NYAP2: variants seen among roughly 807,000 people sequenced by gnomAD.
NYAP2 encodes the protein neuronal tyrosine-phosphorylated phosphoinositide-3-kinase adapter 2.
NYAP2 carries 23 observed loss-of-function variants against 50.4 expected under a neutral mutation model. The ratio of observed to expected loss-of-function variants is 0.46; its 90% CI spans 0.33 to 0.65. NYAP2 has a LOEUF of 0.65. Ranked by LOEUF, NYAP2 falls within the 30% of genes least tolerant of loss-of-function variation. The pLI is 0.02. For missense variants in NYAP2, 885 were observed against 861.0 expected (o/e 1.03, Z -0.35); for synonymous variants, 394 against 365.2 (o/e 1.08, Z -0.90).
the NYAP2 span, among the ~76,000 whole-genome samples, chr2:225,682,425 C>T: frequency 2.6e-5 from 4 of 152,112 alleles, no homozygotes; most frequent in Non-Finnish European, 4.4e-5. Flanking sequence ...TTGGCCACTT[C>T]AACTCCAATT....
At chr2:225,614,375 T>C (rs565945382) in intron 5 of NYAP2, among the ~76,000 whole-genome samples, 1 of 152,174 alleles carries the variant, frequency 6.6e-6, no homozygotes, top group Non-Finnish European at 1.5e-5. Flanking sequence ...TATTTGAAAA[T>C]TTTGGTTGGC....
chr2:225,527,013 G>C (rs1213439834), intron 4 of NYAP2, among the ~76,000 whole-genome samples: 1 of 152,034 alleles, frequency 6.6e-6, no homozygotes, highest in African/African-American at 2.4e-5. Context: ...GTACCCTGAG[G>C]CTCATGAATG....
At chr2:225,514,572 C>G in intron 4 of NYAP2, among the ~76,000 whole-genome samples, 1 of 152,128 alleles carries the variant, frequency 6.6e-6, no homozygotes, top group East Asian at 1.9e-4. Flanking sequence ...CTGGCCTCTT[C>G]GTAGGAGGAT....
intron 3 of NYAP2, among the ~76,000 whole-genome samples, chr2:225,465,047 T>C (rs1281399771): frequency 6.6e-6 from 1 of 152,188 alleles, no homozygotes; most frequent in Non-Finnish European, 1.5e-5. Context: ...CTTAGGAATC[T>C]AATACTAGAA....
At chr2:225,506,146 A>AT (rs985865845) in intron 3 of NYAP2, among the ~76,000 whole-genome samples, 14 of 152,172 alleles carry the variant, frequency 9.2e-5, no homozygotes, top group East Asian at 1.9e-4. Context: ...TATGTCCACA[A>AT]TTTTTTTTAA....
chr2:225,699,342 A>G, the NYAP2 span: 1 of 151,942 alleles, frequency 6.6e-6, no homozygotes, highest in African/African-American at 2.4e-5. Flanking sequence ...GTGTCCTTGC[A>G]TCATTGATCT....
At chr2:225,670,711 G>A in the NYAP2 span, among the ~76,000 whole-genome samples, 4 of 151,816 alleles carry the variant, frequency 2.6e-5, no homozygotes, top group African/African-American at 9.7e-5. Context: ...GGAATGACAG[G>A]GATCTGTATT....
chr2:225,433,661 A>T (rs912937909), intron 3 of NYAP2, among the ~76,000 whole-genome samples: 1 of 151,788 alleles, frequency 6.6e-6, no homozygotes, highest in African/African-American at 2.4e-5. Flanking sequence ...TAAATGATTT[A>T]AAAAAATTAG....
downstream of NYAP2, among the ~76,000 whole-genome samples, chr2:225,655,676 A>T (rs1251035670): frequency 6.6e-6 from 1 of 152,026 alleles, no homozygotes; most frequent in Non-Finnish European, 1.5e-5. Flanking sequence ...CAGTGACCCC[A>T]TTGGAAACAG....
intron 4 of NYAP2, among the ~76,000 whole-genome samples, chr2:225,516,975 G>A (rs1052360477): frequency 1.3e-5 from 2 of 151,978 alleles, no homozygotes; most frequent in African/African-American, 4.8e-5. Context: ...ATTTAAGTAA[G>A]GGATTATGAC....
intron 3 of NYAP2, among the ~76,000 whole-genome samples, chr2:225,483,582 G>A (rs191209613): frequency 2.0e-5 from 3 of 151,480 alleles, no homozygotes; most frequent in Admixed American, 6.6e-5. Flanking sequence ...AGACGTGTGT[G>A]CACACACACA....
chr2:225,560,192 A>C (rs1691847913), intron 4 of NYAP2, among the ~76,000 whole-genome samples: 1 of 152,124 alleles, frequency 6.6e-6, no homozygotes, highest in South Asian at 2.1e-4. Flanking sequence ...TTACTTTACA[A>C]AAATATAATT....
intron 4 of NYAP2, among the ~76,000 whole-genome samples, chr2:225,551,217 A>C (rs940990790): frequency 6.6e-6 from 1 of 152,204 alleles, no homozygotes; most frequent in African/African-American, 2.4e-5. Context: ...AGTCTCTTCC[A>C]CGTCCACTCT....
intron 5 of NYAP2, among the ~76,000 whole-genome samples, chr2:225,583,913 G>A (rs1574693225): frequency 6.6e-6 from 1 of 152,116 alleles, no homozygotes; most frequent in Non-Finnish European, 1.5e-5. Flanking sequence ...GTGGTGGCGG[G>A]CACCTTTAGT....
Position 225,582,080 on chromosome 2 carries a change from G to A in NYAP2, c.663G>A (p.Ser221=). 1.2e-6 allele frequency: 2 copies of A among 1,614,018 alleles called. No homozygotes were observed. Among genetic ancestry groups the A allele is most frequent in the East Asian group, 2.2e-5 (1 of 44,872 alleles). Residue 221 remains serine, a synonymous_variant, in exon 5 of 7, where the codon TCG becomes TCA. Coordinates refer to ENST00000636099, the Ensembl canonical transcript of NYAP2. This position sits in a 1 kb window ranked among gnomAD's most constrained non-coding sequence, Gnocchi z 7.0. ...AAAAGCATGGGCCCCGGAGGACGTC[G>A]CTGCCGCGGGACTCCTCCTTGTCCC...
intron 6 of NYAP2, among the ~76,000 whole-genome samples, chr2:225,633,484 A>G (rs1204644101): frequency 6.6e-6 from 1 of 152,232 alleles, no homozygotes; most frequent in Non-Finnish European, 1.5e-5. Context: ...TATTTTGCTT[A>G]TACATGAAAC....
intron 4 of NYAP2, among the ~76,000 whole-genome samples, chr2:225,562,586 G>A (rs1247335608): frequency 1.3e-5 from 2 of 152,044 alleles, no homozygotes; most frequent in Non-Finnish European, 2.9e-5. Flanking sequence ...TTCCCTGCCT[G>A]GGTTTTTGTG....
In NYAP2 at chr2:225,534,670, C is replaced by G. The variant is rs1474702071; in HGVS notation, c.523+20998C>G. On this transcript the variant is annotated intron_variant, in intron 4 of 6. Transcript: ENST00000636099. The stretch of plus-strand genomic sequence containing the variant: ...ATTTGAGCTAAAATATTGTATCAGT[C>G]TAGGCCCGACAGGAGAGAGAAACCT... Among the ~76,000 whole-genome samples the G allele has an allele frequency of 2.6e-5, 4 of 152,174 alleles. 1 individual carries two copies. The highest frequency in any genetic ancestry group is 9.7e-5 in the African/African-American group (4 of 41,432).
At chr2:225,400,391 ATG>A (rs1491428429) in intron 1 of NYAP2, 136 bp downstream of exon 1, 1 of 150,838 alleles carries the variant, frequency 6.6e-6, no homozygotes, top group Non-Finnish European at 1.5e-5. Flanking sequence ...GGGAGAGAGA[ATG>A]AGAGAGAGAG....
Sources: allele counts gnomAD v4.1 joint callset (sites outside exome capture counted in the v4.1 genomes callset), GRCh38; gene constraint gnomAD v4.1.1; non-coding constraint Gnocchi (gnomAD v3.1); transcripts MANE v1.5; gene names NCBI Gene and HGNC (gene_info 2026-07-23, HGNC 2026-07-21).